The following MOV10L1 variants were observed in gnomAD, a reference collection of about 807,000 sequenced individuals.
MOV10L1 encodes RNA helicase Mov10l1.
A neutral mutation model predicts 143.8 loss-of-function variants in MOV10L1; 110 were observed. That is an observed-to-expected ratio of 0.76 (90% CI 0.66 to 0.90). The LOEUF (loss-of-function observed/expected upper bound fraction) is 0.90. MOV10L1 is among the 40% of genes least tolerant of loss of function. The pLI is 0.00. For synonymous variants in MOV10L1, 593 were observed against 581.1 expected (o/e 1.02, Z -0.29); for missense variants, 1,406 against 1,526.8 (o/e 0.92, Z 1.32).
chr22:50,122,797 A>AT (rs55649847), intron 10 of MOV10L1, among the ~76,000 whole-genome samples: 82 of 147,344 alleles, frequency 5.6e-4, no homozygotes, highest in African/African-American at 2.1e-3. Flanking sequence ...TTATTTATTT[A>AT]TTTTTGAGAC....
Position 50,161,384 on chromosome 22 carries a change from G to A in MOV10L1, c.3571G>A (p.Ala1191Thr). ...TGTCTACAGCTGTGGCGAGGGGGTG[G>A]CAGACCCCTCCTACCCAGTGGTGCC... Reference protein sequence around the residue: ...QSLQNCGEGVADPSYPVVPES... With the variant: ...QSLQNCGEGVTDPSYPVVPES... The change falls in exon 27 of 27, where the codon GCA becomes ACA. Residue 1191 changes from alanine to threonine, a missense_variant. Around this residue, in one of 3 missense-constraint regions of MOV10L1, gnomAD observed 1,233 missense variants for 1,351.4 expected, o/e 0.91. Transcript: ENST00000262794. 1 of 1,599,164 alleles carries A rather than the reference G, an allele frequency of 6.3e-7. No homozygotes were observed. Among genetic ancestry groups the A allele is most frequent in the Non-Finnish European group, 8.5e-7 (1 of 1,173,170 alleles).
chr22:50,137,820 A>AATATACATATTTTATAT, intron 15 of MOV10L1, among the ~76,000 whole-genome samples: 1 of 93,520 alleles, frequency 1.1e-5, no homozygotes, highest in South Asian at 4.0e-4. Flanking sequence ...TACATATATA[A>AATATACATATTTTATAT]ATATACATAT....
chr22:50,108,801 T>C lies in MOV10L1; in HGVS notation c.700T>C (p.Cys234Arg), dbSNP rs762498838. The C allele has an allele frequency of 1.9e-6, 3 of 1,614,178 alleles. No individual in the cohort carries two copies. Among genetic ancestry groups the C allele is most frequent in the South Asian group, 1.1e-5 (1 of 91,076 alleles). ...AGTGGTGGTGGAGAGCAGCCAGTCA[T>C]GCTATGTCTGGAGGGCACTTTGTAT... is the stretch of plus-strand genomic sequence containing the variant. The part of the protein sequence containing the change: ...NAVVVESSQS[C>R]YVWRALCMTL... The change falls in exon 5 of 27, where the codon TGC becomes CGC. Residue 234 changes from cysteine to arginine, a missense_variant. By Grantham distance (180) the Cys-to-Arg change is radical. Transcript: ENST00000262794.
chr22:50,128,341 T>C, intron 12 of MOV10L1, 75 bp from the exon 13 acceptor site: 1 of 861,744 alleles, frequency 1.2e-6, no homozygotes, highest in Non-Finnish European at 1.9e-6. Context: ...TAGAATGAAT[T>C]TTTGATGATG....
In MOV10L1 at chr22:50,145,681, G is replaced by C. The variant is rs764748475; in HGVS notation, c.2506-8G>C. 17 of 1,613,730 alleles carry C rather than the reference G, an allele frequency of 1.1e-5. No homozygotes were observed. In the South Asian group the frequency reaches 1.8e-4, roughly 17 times the overall value. On this transcript the variant is annotated splice_polypyrimidine_tract_variant and splice_region_variant and intron_variant, in intron 18 of 26. Coordinates refer to ENST00000262794, the MANE Select transcript of MOV10L1 (RefSeq NM_018995.3). ...GAGTAAACTAACTCTACGCCTCCTTGCCCCCAGATAGTTATTGACGCCGTC... is the reference window on the plus strand; with the variant it reads ...GAGTAAACTAACTCTACGCCTCCTTCCCCCCAGATAGTTATTGACGCCGTC...
intron 22 of MOV10L1, among the ~76,000 whole-genome samples, chr22:50,154,589 T>A (rs2063379874): frequency 6.6e-6 from 1 of 151,878 alleles, no homozygotes; most frequent in South Asian, 2.1e-4. Context: ...TAAATAAATA[T>A]AAATAAATGC....
chr22:50,125,267 G>T, intron 10 of MOV10L1, 125 bp from the exon 11 acceptor site: 2 of 920,768 alleles, frequency 2.2e-6, no homozygotes, highest in Non-Finnish European at 3.3e-6. Flanking sequence ...ACTCCGGCGA[G>T]GATCGCCCCA....
At chr22:50,127,252 A>G (rs912691403) in intron 12 of MOV10L1, among the ~76,000 whole-genome samples, 2 of 152,162 alleles carry the variant, frequency 1.3e-5, no homozygotes, top group African/African-American at 4.8e-5. Flanking sequence ...GGAGGAAGGC[A>G]CCTGCCTGCC....
chr22:50,112,519 C>T (rs2062052337), intron 5 of MOV10L1, among the ~76,000 whole-genome samples: 5 of 152,318 alleles, frequency 3.3e-5, no homozygotes, highest in South Asian at 4.1e-4. Context: ...GCACGGAACC[C>T]GCACTCTCCT....
rs569351450 is a variant in MOV10L1 at position 50,130,233 on chromosome 22, C to T, written c.1910+1726C>T. Among the ~76,000 whole-genome samples, 6 of 152,228 alleles carry T rather than the reference C, an allele frequency of 3.9e-5. No individual in the cohort carries two copies. The South Asian group carries it at 1.2e-3, about 32-fold the overall frequency. ...GAGGTTGCGGTGAGCTGAGATCATA[C>T]TACTGCACTCCAGCCTGAGACAGAG... is the stretch of plus-strand genomic sequence containing the variant. On this transcript the variant is annotated intron_variant, in intron 13 of 26. Transcript: ENST00000262794.
intron 8 of MOV10L1, among the ~76,000 whole-genome samples, chr22:50,116,150 G>T (rs2062168442): frequency 6.6e-6 from 1 of 151,104 alleles, no homozygotes; most frequent in African/African-American, 2.4e-5. Flanking sequence ...GCTGTGGGTG[G>T]CAAGTGCACA....
At chr22:50,096,850 C>A (rs1569267176) in intron 2 of MOV10L1, among the ~76,000 whole-genome samples, 1 of 152,080 alleles carries the variant, frequency 6.6e-6, no homozygotes, top group African/African-American at 2.4e-5. Flanking sequence ...AGTAGGAATT[C>A]TTTATATATT....
At chr22:50,120,380 T>G (rs1465369217) in intron 9 of MOV10L1, 122 bp from the exon 10 acceptor site, 2 of 664,804 alleles carry the variant, frequency 3.0e-6, no homozygotes, top group Non-Finnish European at 5.3e-6. Flanking sequence ...CATATATCAG[T>G]TCTTCTCAGG....
In MOV10L1 at chr22:50,153,000, C is replaced by T; in HGVS notation, c.2893-45C>T. On this transcript the variant is annotated intron_variant, in intron 21 of 26. Coordinates refer to ENST00000262794, the MANE Select transcript of MOV10L1 (RefSeq NM_018995.3). The surrounding 1 kb of genome is among the most constrained non-coding windows in gnomAD (Gnocchi z 4.4). ...CGCTTTTCGTTCGACAGAAACTGTG[C>T]CGGGTACCACCTTCCCCTTGTGACC... is the stretch of plus-strand genomic sequence containing the variant. 3 of 1,542,304 alleles carry T rather than the reference C, an allele frequency of 1.9e-6. No individual in the cohort carries two copies. Among genetic ancestry groups the T allele is most frequent in the Non-Finnish European group, 1.8e-6 (2 of 1,134,814 alleles).
At chr22:50,146,131 A>T (rs1761295935) in intron 19 of MOV10L1, among the ~76,000 whole-genome samples, 1 of 140,870 alleles carries the variant, frequency 7.1e-6, no homozygotes, top group African/African-American at 2.6e-5. Flanking sequence ...AACGGCCTGA[A>T]AGGGGTGGTG....
Position 50,159,612 on chromosome 22 carries a change from AAG to A in MOV10L1, c.3217-65_3217-64del. ...GTAATACTCCATCTCAAAAAAAAAA[AAG>A]GAAAAGAAAAGAAATGGATTTGTAC... On this transcript the variant is annotated intron_variant, in intron 23 of 26. Coordinates refer to ENST00000262794, the MANE Select transcript of MOV10L1 (RefSeq NM_018995.3). The surrounding 1 kb of genome is among the most constrained non-coding windows in gnomAD (Gnocchi z 4.1). 2.6e-6 allele frequency: 3 copies of A among 1,164,122 alleles called. No individual in the cohort carries two copies. Among genetic ancestry groups the A allele is most frequent in the East Asian group, 2.5e-5 (1 of 40,566 alleles). The allele number at this position is 1,164,122 out of a possible 1,614,324, so 72.1% of individuals were successfully genotyped here. A position where few individuals can be genotyped will look rare whatever the true frequency, so the allele number is the denominator to read the frequency against.
rs768301958 is a variant in MOV10L1, at chr22:50,108,780, G to A, written c.679G>A (p.Val227Met). The change falls in exon 5 of 27, where the codon GTG (valine) becomes ATG (methionine). Residue 227 changes from valine (V) to methionine (M), a missense_variant. Val to Met is a conservative substitution (Grantham distance 21). Coordinates refer to ENST00000262794, the MANE Select transcript of MOV10L1 (RefSeq NM_018995.3). ...GAGAGGTGACGTGGTCAATGCAGTG[G>A]TGGTGGAGAGCAGCCAGTCATGCTA... ...PRRGDVVNAV[V>M]VESSQSCYVW... is the part of the protein sequence containing the mutation. The A allele has an allele frequency of 1.9e-5, 31 of 1,614,088 alleles. No homozygotes were observed. Among genetic ancestry groups the A allele is most frequent in the Non-Finnish European group, 2.5e-5 (29 of 1,180,050 alleles).
intron 5 of MOV10L1, 130 bp from the exon 6 acceptor site, chr22:50,113,518 G>A (rs2062079440): frequency 7.9e-7 from 1 of 1,264,646 alleles, no homozygotes; most frequent in Admixed American, 2.4e-5. Flanking sequence ...ACCTAAGTCT[G>A]TGGAAGCCCT....
intron 17 of MOV10L1, among the ~76,000 whole-genome samples, chr22:50,143,862 C>T (rs2063060165): frequency 6.6e-6 from 1 of 152,140 alleles, no homozygotes; most frequent in Non-Finnish European, 1.5e-5. Context: ...CTGTTTCTGC[C>T]CTGAAAGGTG....
Sources: allele counts gnomAD v4.1 joint callset (sites outside exome capture counted in the v4.1 genomes callset), GRCh38; gene constraint gnomAD v4.1.1; regional missense constraint gnomAD v4.1.1; non-coding constraint Gnocchi (gnomAD v3.1); transcripts MANE v1.5; gene names NCBI Gene and HGNC (gene_info 2026-07-23, HGNC 2026-07-21).